The following FKTN variants were observed in gnomAD, a reference collection of about 807,000 sequenced individuals.
FKTN encodes the protein ribitol-5-phosphate transferase FKTN.
In FKTN, 47 loss-of-function variants were observed where a neutral mutation model predicts 58.6. The observed-to-expected ratio is 0.80, with a 90% CI of 0.63 to 1.02. FKTN has a LOEUF of 1.02. Ranked by LOEUF, FKTN falls within the 50% of genes least tolerant of loss-of-function variation. FKTN has a pLI of 0.00. For missense variants in FKTN, 516 were observed against 537.3 expected (o/e 0.96, Z 0.39); for synonymous variants, 178 against 191.9 (o/e 0.93, Z 0.60).
chr9:105,628,604 G>C (rs1043155324), intron 10 of FKTN, among the ~76,000 whole-genome samples: 1 of 152,114 alleles, frequency 6.6e-6, no homozygotes, highest in African/African-American at 2.4e-5. Context: ...TTCAGTAAAA[G>C]ACTTGTACAC....
chr9:105,637,521 C>G lies in FKTN; in HGVS notation c.*2257C>G, dbSNP rs1413775005. The G allele has an allele frequency of 6.1e-6, 6 of 985,422 alleles. No individual in the cohort carries two copies. Among genetic ancestry groups the G allele is most frequent in the Non-Finnish European group, 7.2e-6 (6 of 829,908 alleles). The allele number at this position is 985,422 out of a possible 1,614,324, so 61.0% of individuals were successfully genotyped here. ...TACCTCTGATTCTGATTCATCCATACTTCATCTTATGTATTTTAACAGTTG... is the reference window on the plus strand; with the variant it reads ...TACCTCTGATTCTGATTCATCCATAGTTCATCTTATGTATTTTAACAGTTG... On this transcript the variant is annotated 3_prime_UTR_variant, in exon 11 of 11. Transcript: ENST00000357998.
chr9:105,575,138 G>A lies in FKTN; in HGVS notation c.105+1G>A. 8 of 1,483,034 alleles carry A rather than the reference G, an allele frequency of 5.4e-6. No individual in the cohort carries two copies. Among genetic ancestry groups the A allele is most frequent in the Non-Finnish European group, 7.5e-6 (8 of 1,060,656 alleles). The allele number at this position is 1,483,034 out of a possible 1,614,324, so 91.9% of individuals were successfully genotyped here. A position where few individuals can be genotyped will look rare whatever the true frequency, so the allele number is the denominator to read the frequency against. On this transcript the variant is annotated splice_donor_variant, in intron 3 of 10. Coordinates refer to ENST00000357998, the MANE Select transcript of FKTN (RefSeq NM_001079802.2). LOFTEE classifies it high-confidence loss of function. Reference sequence around the variant, plus strand: ...CTACAAGCACTATTTATCAACAAAGGTAATTTTATTCCTTCTTTCTTATCA... The same window carrying A: ...CTACAAGCACTATTTATCAACAAAGATAATTTTATTCCTTCTTTCTTATCA...
intron 10 of FKTN, among the ~76,000 whole-genome samples, chr9:105,634,425 C>T (rs1217840568): frequency 6.6e-6 from 1 of 152,154 alleles, no homozygotes; most frequent in African/African-American, 2.4e-5. Flanking sequence ...GGAGCCACCA[C>T]GACCGGCCTG....
In FKTN at chr9:105,601,257, C is replaced by T. The variant is rs1346912007; in HGVS notation, c.278C>T (p.Thr93Ile). The change falls in exon 5 of 11, where the codon ACT becomes ATT. Residue 93 changes from threonine to isoleucine, a missense_variant. By Grantham distance (89) the Thr-to-Ile change is moderately conservative (BLOSUM62 -1). Transcript: ENST00000357998. ...INKNFEQVKN[T>I]SHGSTSQCKF... is the part of the protein sequence containing the mutation. ...AAGAACTTTGAACAAGTCAAAAATA[C>T]TTCTCATGGCTCTACTTCACAATGC... The T allele has an allele frequency of 8.7e-6, 14 of 1,612,166 alleles. No individual in the cohort carries two copies. Among genetic ancestry groups the T allele is most frequent in the Non-Finnish European group, 1.2e-5 (14 of 1,178,764 alleles).
intron 3 of FKTN, among the ~76,000 whole-genome samples, chr9:105,584,252 TA>T (rs1293921853): frequency 2.0e-5 from 3 of 152,228 alleles, no homozygotes; most frequent in Admixed American, 2.0e-4. Flanking sequence ...AATTGGCTAT[TA>T]TTATTATTTT....
At chr9:105,622,246 T>G (rs1279061223) in intron 10 of FKTN, among the ~76,000 whole-genome samples, 1 of 152,014 alleles carries the variant, frequency 6.6e-6, no homozygotes, top group Admixed American at 6.6e-5. Flanking sequence ...TCTCCAAAGG[T>G]CTTTTTGTCT....
At chr9:105,572,017 T>C (rs1840816716) in intron 1 of FKTN, among the ~76,000 whole-genome samples, 2 of 152,206 alleles carry the variant, frequency 1.3e-5, no homozygotes, top group African/African-American at 4.8e-5. Flanking sequence ...TAAGGGATAC[T>C]AAACCTCTAT....
chr9:105,570,184 C>A (rs1050993484), intron 1 of FKTN, among the ~76,000 whole-genome samples: 3 of 151,408 alleles, frequency 2.0e-5, no homozygotes, highest in African/African-American at 7.3e-5. Flanking sequence ...TGTAAAAGTT[C>A]CTGCAGAACA....
chr9:105,558,921 A>C (rs937175288), intron 1 of FKTN, among the ~76,000 whole-genome samples: 1 of 152,198 alleles, frequency 6.6e-6, no homozygotes, highest in Non-Finnish European at 1.5e-5. Context: ...ATTTGTGGAC[A>C]TAAGTTTAGT....
Position 105,635,126 on chromosome 9 carries a change from C to T in FKTN, c.1248C>T (p.Leu416=), listed in dbSNP as rs774804160. The T allele has an allele frequency of 1.1e-5, 17 of 1,613,838 alleles. No individual in the cohort carries two copies. The African/African-American group carries it at 1.7e-4, about 16-fold the overall frequency. The change falls in exon 11 of 11, where the codon CTC becomes CTT. Residue 416 remains leucine, a synonymous_variant. Coordinates refer to ENST00000357998, the MANE Select transcript of FKTN (RefSeq NM_001079802.2). ...AGGTCCATGTACCCTGTGAAACCCT[C>T]GAATACATTGAAGCCAACTATGGTA... ...DMKVHVPCET[L]EYIEANYGKT...
At chr9:105,572,573 A>G (rs1303576931) in intron 1 of FKTN, among the ~76,000 whole-genome samples, 1 of 152,206 alleles carries the variant, frequency 6.6e-6, no homozygotes, top group Non-Finnish European at 1.5e-5. Context: ...CAGTGGGATC[A>G]GGATGCATAG....
intron 4 of FKTN, chr9:105,598,603 A>G (rs546559259): frequency 6.6e-6 from 1 of 152,480 alleles, no homozygotes; most frequent in South Asian, 2.1e-4. Context: ...TCAGATGATA[A>G]TAGTGATTTA....
At chr9:105,611,427 T>C (rs1414453784) in intron 7 of FKTN, among the ~76,000 whole-genome samples, 1 of 151,942 alleles carries the variant, frequency 6.6e-6, no homozygotes, top group Non-Finnish European at 1.5e-5. Flanking sequence ...GTTGTGGGGG[T>C]TTGTTGTACA....
chr9:105,619,518 A>G (rs1183187019), intron 9 of FKTN, among the ~76,000 whole-genome samples: 2 of 152,136 alleles, frequency 1.3e-5, no homozygotes, highest in African/African-American at 4.8e-5. Context: ...GAGGAATGCC[A>G]CTTTACTTAA....
rs139429679 is a variant in FKTN, at chr9:105,639,595, A to T, written c.*4331A>T. 1.0e-6 allele frequency: 1 copy of T among 980,828 alleles called. No individual in the cohort carries two copies. Among genetic ancestry groups the T allele is most frequent in the East Asian group, 1.1e-4 (1 of 8,816 alleles). The allele number at this position is 980,828 out of a possible 1,614,324, so 60.8% of individuals were successfully genotyped here. A position where few individuals can be genotyped will look rare whatever the true frequency, so the allele number is the denominator to read the frequency against. On this transcript the variant is annotated 3_prime_UTR_variant, in exon 11 of 11. Transcript: ENST00000357998. Reference sequence around the variant, plus strand: ...AATGGAATTATAGAAACCATGGGTCAGAACATATTCCTTTACTCAAAAGAT... The same window carrying T: ...AATGGAATTATAGAAACCATGGGTCTGAACATATTCCTTTACTCAAAAGAT...
At chr9:105,589,653 G>A (rs541373099) in intron 3 of FKTN, among the ~76,000 whole-genome samples, 18 of 152,230 alleles carry the variant, frequency 1.2e-4, no homozygotes, top group Non-Finnish European at 2.2e-4. Flanking sequence ...ACATACTTGG[G>A]AAGGCTATTA....
rs77484046 is a variant in FKTN, at chr9:105,589,969, G to A, written c.106-6629G>A. On this transcript the variant is annotated intron_variant, in intron 3 of 10. Coordinates refer to ENST00000357998, the MANE Select transcript of FKTN (RefSeq NM_001079802.2). ...CCTGTTACTTAGGGTCTTGTAAGCC[G>A]TTGTAAGGACTTTGACCTTTTATCC... 9.6e-3 allele frequency among the ~76,000 whole-genome samples: 1,466 copies of A among 152,276 alleles called. 23 individuals carry two copies. Among genetic ancestry groups the A allele is most frequent in the African/African-American group, 0.032 (1,328 of 41,542 alleles).
intron 10 of FKTN, 65 bp from the exon 11 acceptor site, chr9:105,634,986 G>T: frequency 7.9e-7 from 1 of 1,259,180 alleles, no homozygotes; most frequent in South Asian, 1.2e-5. Context: ...TAATGCACTA[G>T]CAGCTAGATT....
Position 105,639,324 on chromosome 9 carries a change from C to A in FKTN, c.*4060C>A. 1 of 975,234 alleles carries A rather than the reference C, an allele frequency of 1.0e-6. No individual in the cohort carries two copies. Among genetic ancestry groups the A allele is most frequent in the Non-Finnish European group, 1.2e-6 (1 of 820,710 alleles). 60.4% of individuals were successfully genotyped at this position (975,234 alleles called of 1,614,324 possible). On this transcript the variant is annotated 3_prime_UTR_variant, in exon 11 of 11. Transcript: ENST00000357998. ...CTCACTCAGGGAAGGCAATGTGTTG[C>A]CATAAAAAGACCACAAGCTTTTGAG...
Sources: gnomAD v4.1 joint callset for allele counts (sites outside exome capture counted in the v4.1 genomes callset) on GRCh38, gnomAD v4.1.1 for gene constraint, MANE v1.5 for transcripts, NCBI Gene and HGNC (gene_info 2026-07-23, HGNC 2026-07-21) for gene names.